Variants in HPGDS observed in about 807,000 individuals in gnomAD.
HPGDS encodes the protein GST class-sigma.
Under a neutral mutation model 23.1 loss-of-function variants are expected in HPGDS, and 26 were observed. The observed-to-expected ratio is 1.13, with a 90% CI of 0.83 to 1.56. HPGDS has a LOEUF of 1.56. Among genes scored for constraint, HPGDS ranks in the 40% most tolerant of loss-of-function variants. The pLI is 0.00. For missense variants in HPGDS, 268 were observed against 236.4 expected (o/e 1.13, Z -0.88); for synonymous variants, 95 against 77.9 (o/e 1.22, Z -1.16).
At chr4:94,304,832 C>T (rs947875303) in intron 4 of HPGDS, among the ~76,000 whole-genome samples, 10 of 151,848 alleles carry the variant, frequency 6.6e-5, no homozygotes, top group African/African-American at 1.5e-4. Context: ...CATAAATGTT[C>T]GAAGAATATT....
chr4:94,308,902 C>T (rs950905627), intron 3 of HPGDS, among the ~76,000 whole-genome samples, 159 bp from the exon 4 acceptor site: 12 of 152,024 alleles, frequency 7.9e-5, no homozygotes, highest in Non-Finnish European at 1.2e-4. Context: ...CCCTTACCTA[C>T]CTACCTTACT....
At chr4:94,340,837 TTTTTTTTCTTTC>T (rs1186121658) in intron 1 of HPGDS, among the ~76,000 whole-genome samples, 1 of 132,374 alleles carries the variant, frequency 7.6e-6, no homozygotes, top group East Asian at 2.0e-4. Flanking sequence ...TTTTTTCTTT[TTTTTTTTCTTTC>T]TTTTTTTTTT....
chr4:94,322,644 C>G (rs1486702745), intron 2 of HPGDS, among the ~76,000 whole-genome samples: 1 of 151,846 alleles, frequency 6.6e-6, no homozygotes, highest in Non-Finnish European at 1.5e-5. Flanking sequence ...CTATTTGATT[C>G]TTCTCTCTTT....
intron 2 of HPGDS, among the ~76,000 whole-genome samples, chr4:94,323,781 T>A (rs1023356691): frequency 6.6e-6 from 1 of 152,180 alleles, no homozygotes; most frequent in African/African-American, 2.4e-5. Context: ...TTAATATTGT[T>A]ATGTGTGAAT....
At chr4:94,301,250 C>T (rs892433382) in intron 5 of HPGDS, among the ~76,000 whole-genome samples, 6 of 152,118 alleles carry the variant, frequency 3.9e-5, no homozygotes, top group Non-Finnish European at 5.9e-5. Flanking sequence ...AAGGTAGAGA[C>T]CTCCACCTAC....
At position 94,299,742 on chromosome 4, in the gene HPGDS, A is replaced by G. The variant is rs192723139; in HGVS notation, c.436-98T>C. On this transcript the variant is annotated intron_variant, in intron 5 of 5. Coordinates refer to ENST00000295256, the MANE Select transcript of HPGDS (RefSeq NM_014485.3). ...TAGTTTCTTAATCTAAAAGATTCAA[A>G]ACAATCTTGTTATTACAAAAGCAGA... 104 of 1,123,564 alleles carry G rather than the reference A, an allele frequency of 9.3e-5. 2 individuals carry two copies. In the Admixed American group the frequency reaches 2.3e-3, roughly 25 times the overall value. 69.6% of individuals were successfully genotyped at this position (1,123,564 alleles called of 1,614,324 possible).
Position 94,299,636 on chromosome 4 carries a change from C to G in HPGDS, c.444G>C (p.Trp148Cys). The change falls in exon 6 of 6, where the codon TGG becomes TGC. Residue 148 changes from tryptophan (W) to cysteine (C), a missense_variant. Coordinates refer to ENST00000295256, the MANE Select transcript of HPGDS (RefSeq NM_014485.3). ...TGCAAATCTCCCAGTAGAAGTCTGCCCAAGTTACCTAGTTTAAAGGAAACA... is the reference window on the plus strand; with the variant it reads ...TGCAAATCTCCCAGTAGAAGTCTGCGCAAGTTACCTAGTTTAAAGGAAACA... ...REWLIGNSVT[W>C]ADFYWEICST... The G allele has an allele frequency of 1.9e-6, 3 of 1,613,150 alleles. No homozygotes were observed. Among genetic ancestry groups the G allele is most frequent in the Non-Finnish European group, 2.5e-6 (3 of 1,179,558 alleles).
At chr4:94,300,149 G>T (rs961763150) in intron 5 of HPGDS, among the ~76,000 whole-genome samples, 1 of 152,152 alleles carries the variant, frequency 6.6e-6, no homozygotes, top group South Asian at 2.1e-4. Flanking sequence ...CTATCTTCAG[G>T]ACCTTTGTAT....
chr4:94,327,271 G>A (rs762403123), intron 2 of HPGDS, among the ~76,000 whole-genome samples: 2 of 152,178 alleles, frequency 1.3e-5, no homozygotes, highest in Non-Finnish European at 2.9e-5. Flanking sequence ...GGTGGTGGCT[G>A]GTGGAGTAGG....
chr4:94,310,776 TG>T lies in HPGDS; in HGVS notation c.227-2034del, dbSNP rs1756251469. ...ATTCTTCCTACCCATGAGCATGGAA[TG>T]TTCTTCCATTTGTTTGTATCCTCTT... is the stretch of plus-strand genomic sequence containing the variant. On this transcript the variant is annotated intron_variant, in intron 3 of 5. Transcript: ENST00000295256. Among the ~76,000 whole-genome samples, 4 of 152,364 alleles carry T rather than the reference TG, an allele frequency of 2.6e-5. No individual in the cohort carries two copies. In the East Asian group the frequency reaches 7.7e-4, roughly 29 times the overall value.
intron 1 of HPGDS, among the ~76,000 whole-genome samples, chr4:94,342,225 A>C (rs562591585): frequency 1.9e-4 from 29 of 152,282 alleles, no homozygotes; most frequent in African/African-American, 6.7e-4. Flanking sequence ...AATAACTGAA[A>C]TATCCTTTGG....
At chr4:94,320,044 G>A (rs1345739104) in intron 2 of HPGDS, among the ~76,000 whole-genome samples, 2 of 152,144 alleles carry the variant, frequency 1.3e-5, no homozygotes, top group Non-Finnish European at 2.9e-5. Flanking sequence ...AGTTTGCTCA[G>A]AATGATGGTT....
intron 1 of HPGDS, among the ~76,000 whole-genome samples, chr4:94,338,379 C>T (rs1021555611): frequency 3.9e-5 from 6 of 152,006 alleles, no homozygotes; most frequent in Non-Finnish European, 5.9e-5. Flanking sequence ...GAGCCAAGAC[C>T]GCGACACTTC....
chr4:94,315,548 A>C (rs557398154), intron 3 of HPGDS, among the ~76,000 whole-genome samples: 7 of 152,214 alleles, frequency 4.6e-5, no homozygotes, highest in African/African-American at 1.7e-4. Flanking sequence ...GGTCTTCCTA[A>C]AAGTTTTCTC....
chr4:94,303,047 A>G (rs183509329), intron 4 of HPGDS, among the ~76,000 whole-genome samples: 10 of 152,270 alleles, frequency 6.6e-5, no homozygotes, highest in Admixed American at 4.6e-4. Flanking sequence ...TATAAAATGT[A>G]TATATCATTT....
In HPGDS at chr4:94,315,433, G is replaced by C. The variant is rs140948919; in HGVS notation, c.226+2440C>G. ...ATTTTTATTTTTGCAGACAGTTTTT[G>C]TCAGGAGCATTTGTTTTCTGACTGG... On this transcript the variant is annotated intron_variant, in intron 3 of 5. Transcript: ENST00000295256. 3.2e-3 allele frequency among the ~76,000 whole-genome samples: 481 copies of C among 152,154 alleles called. 4 individuals carry two copies. Among genetic ancestry groups the C allele is most frequent in the African/African-American group, 0.011 (466 of 41,504 alleles).
At chr4:94,326,169 C>T (rs1242505636) in intron 2 of HPGDS, among the ~76,000 whole-genome samples, 2 of 152,098 alleles carry the variant, frequency 1.3e-5, no homozygotes, top group Non-Finnish European at 2.9e-5. Context: ...ACAAGCTTGA[C>T]AGTTTGACTT....
At chr4:94,316,323 A>G (rs1009762330) in intron 3 of HPGDS, among the ~76,000 whole-genome samples, 2 of 152,190 alleles carry the variant, frequency 1.3e-5, no homozygotes, top group African/African-American at 4.8e-5. Flanking sequence ...TCCTGGTTAA[A>G]TAGACTGCCT....
rs1560597992 is a variant in HPGDS at position 94,340,309 on chromosome 4, C to CTTTCTTTCTTTCTTTCTT, written c.-10+2485_-10+2486insAAGAAAGAAAGAAAGAAA. 4.1e-3 allele frequency among the ~76,000 whole-genome samples: 117 copies of CTTTCTTTCTTTCTTTCTT among 28,788 alleles called. 9 individuals carry two copies. The highest frequency in any genetic ancestry group is 0.011 in the South Asian group (6 of 562). 18.9% of individuals were successfully genotyped at this position (28,788 alleles called of 152,430 possible). ...TCTTTCTTTCTTTCTTTCTTTCTTT[C>CTTTCTTTCTTTCTTTCTT]TCTTTTTTTTTTTTTTTTTTTTTTT... is the stretch of plus-strand genomic sequence containing the variant. On this transcript the variant is annotated intron_variant, in intron 1 of 5. Coordinates refer to ENST00000295256, the MANE Select transcript of HPGDS (RefSeq NM_014485.3).
Sources: allele counts gnomAD v4.1 joint callset (sites outside exome capture counted in the v4.1 genomes callset), GRCh38; gene constraint gnomAD v4.1.1; transcripts MANE v1.5; gene names NCBI Gene and HGNC (gene_info 2026-07-23, HGNC 2026-07-21).